The following GRID2 variants were observed in gnomAD, a reference collection of about 807,000 sequenced individuals.
GRID2 encodes the protein glutamate receptor ionotropic, delta-2.
A neutral mutation model predicts 114.8 loss-of-function variants in GRID2; 33 were observed. The ratio of observed to expected loss-of-function variants is 0.29; its 90% CI spans 0.22 to 0.38. The LOEUF (loss-of-function observed/expected upper bound fraction) is 0.38, where lower values mean the gene tolerates loss of function less well. Ranked by LOEUF, GRID2 falls within the 10% of genes least tolerant of loss-of-function variation. GRID2 has a pLI of 1.00. For synonymous variants in GRID2, 505 were observed against 449.9 expected (o/e 1.12, Z -1.55); for missense variants, 1,184 against 1,257.7 (o/e 0.94, Z 0.89).
chr4:93,346,747 G>A (rs915615592), intron 8 of GRID2, among the ~76,000 whole-genome samples: 7 of 152,204 alleles, frequency 4.6e-5, no homozygotes, highest in Admixed American at 3.9e-4. Flanking sequence ...TTTCCTAAGC[G>A]AATCTCATCT....
intron 8 of GRID2, among the ~76,000 whole-genome samples, chr4:93,291,342 A>G (rs1194989788): frequency 2.0e-5 from 3 of 152,130 alleles, no homozygotes; most frequent in Non-Finnish European, 4.4e-5. Context: ...TTTGCCATGT[A>G]ATAGGGGTTT....
chr4:93,682,485 T>C (rs994970493), intron 14 of GRID2, among the ~76,000 whole-genome samples: 1 of 152,060 alleles, frequency 6.6e-6, no homozygotes, highest in Non-Finnish European at 1.5e-5. Context: ...TGCACATGTA[T>C]GTTTATTGTG....
intron 14 of GRID2, among the ~76,000 whole-genome samples, chr4:93,693,223 G>T (rs1726718530): frequency 6.6e-6 from 1 of 152,096 alleles, no homozygotes; most frequent in African/African-American, 2.4e-5. Flanking sequence ...AGAAGCAAAG[G>T]GTAATACTCA....
intron 2 of GRID2, among the ~76,000 whole-genome samples, chr4:92,877,878 A>G (rs919874523): frequency 1.3e-5 from 2 of 152,142 alleles, no homozygotes; most frequent in African/African-American, 4.8e-5. Flanking sequence ...AAGCTTTTAA[A>G]TCCTCTGCTC....
intron 1 of GRID2, among the ~76,000 whole-genome samples, chr4:92,406,327 T>C (rs530313605): frequency 1.3e-5 from 2 of 152,324 alleles, no homozygotes; most frequent in East Asian, 3.9e-4. Flanking sequence ...ATTTTAGGCC[T>C]TTAGTTTTTG....
At chr4:93,007,115 A>T (rs1314004175) in intron 2 of GRID2, among the ~76,000 whole-genome samples, 2 of 152,096 alleles carry the variant, frequency 1.3e-5, no homozygotes, top group Non-Finnish European at 2.9e-5. Context: ...AGCATCAGCC[A>T]TTAGGTAGCT....
intron 1 of GRID2, among the ~76,000 whole-genome samples, chr4:92,527,737 C>T (rs1725115709): frequency 6.6e-6 from 1 of 151,988 alleles, no homozygotes; most frequent in Non-Finnish European, 1.5e-5. Flanking sequence ...AGTTAAAGTG[C>T]AATTCCTTTA....
At chr4:93,750,948 G>A (rs1207587863) in intron 14 of GRID2, among the ~76,000 whole-genome samples, 6 of 152,166 alleles carry the variant, frequency 3.9e-5, no homozygotes, top group African/African-American at 1.4e-4. Context: ...TTTGGGAAAT[G>A]TGGAGAAAGT....
At chr4:92,674,368 A>C (rs1733225621) in intron 2 of GRID2, among the ~76,000 whole-genome samples, 1 of 151,920 alleles carries the variant, frequency 6.6e-6, no homozygotes, top group Admixed American at 6.6e-5. Flanking sequence ...GTCTGTCTTC[A>C]AGTTCACTCA....
chr4:92,722,803 G>A (rs1211410031), intron 2 of GRID2, among the ~76,000 whole-genome samples: 1 of 152,068 alleles, frequency 6.6e-6, no homozygotes, highest in Admixed American at 6.6e-5. Context: ...AAAGTCCCTA[G>A]CTTCCAGATC....
rs1204742726 is a variant in GRID2, at chr4:93,404,027, G to T, written c.1347+8319G>T. 5.3e-4 allele frequency among the ~76,000 whole-genome samples: 80 copies of T among 152,204 alleles called. 1 individual carries two copies. Among genetic ancestry groups the T allele is most frequent in the Non-Finnish European group, 1.2e-4 (8 of 68,002 alleles). ...ATAAAATGTAGTATACCATAAAATG[G>T]AATATTATTTGGCAATAGAATGAAA... On this transcript the variant is annotated intron_variant, in intron 9 of 15. Transcript: ENST00000282020.
chr4:92,558,477 C>A (rs945953090), intron 1 of GRID2, among the ~76,000 whole-genome samples: 5 of 152,216 alleles, frequency 3.3e-5, no homozygotes, highest in Non-Finnish European at 7.4e-5. Flanking sequence ...ATGCAAGAAG[C>A]TTTTAATCTA....
chr4:92,884,372 G>A (rs985437934), intron 2 of GRID2, among the ~76,000 whole-genome samples: 1 of 152,138 alleles, frequency 6.6e-6, no homozygotes, highest in Non-Finnish European at 1.5e-5. Context: ...TCATCAACAA[G>A]AATGTTTGGT....
Position 93,239,402 on chromosome 4 carries a change from T to C in GRID2, c.1245+912T>C, listed in dbSNP as rs192527725. On this transcript the variant is annotated intron_variant, in intron 8 of 15. Coordinates refer to ENST00000282020, the MANE Select transcript of GRID2 (RefSeq NM_001510.4). ...GGTAGGGAAAAACCTAACATAATTG[T>C]GTACGCAGAGCTGGTAACTGTAAAT... 2.1e-3 allele frequency among the ~76,000 whole-genome samples: 215 copies of C among 100,598 alleles called. 4 individuals carry two copies. In the East Asian group the frequency reaches 0.055, roughly 26 times the overall value. The allele number at this position is 100,598 out of a possible 152,430, so 66.0% of individuals were successfully genotyped here.
chr4:92,903,920 T>G (rs892766435), intron 2 of GRID2, among the ~76,000 whole-genome samples: 1 of 151,932 alleles, frequency 6.6e-6, no homozygotes, highest in Non-Finnish European at 1.5e-5. Flanking sequence ...AGATCTATCA[T>G]AGAGGGAAGT....
At chr4:93,235,008 C>T (rs1365497470) in intron 7 of GRID2, among the ~76,000 whole-genome samples, 2 of 152,146 alleles carry the variant, frequency 1.3e-5, no homozygotes, top group East Asian at 3.9e-4. Flanking sequence ...AGGAAAAGAT[C>T]CTTCATCATA....
intron 14 of GRID2, among the ~76,000 whole-genome samples, chr4:93,757,032 T>C (rs561813350): frequency 1.3e-5 from 2 of 152,170 alleles, no homozygotes; most frequent in Non-Finnish European, 2.9e-5. Flanking sequence ...CTCAGGAACA[T>C]TTTTGCAGAG....
chr4:92,860,098 TC>T (rs1744431777), intron 2 of GRID2, among the ~76,000 whole-genome samples: 1 of 152,108 alleles, frequency 6.6e-6, no homozygotes, highest in African/African-American at 2.4e-5. Flanking sequence ...CAAAGAATTG[TC>T]TTTTTTTTTC....
chr4:92,855,353 C>A (rs535594667), intron 2 of GRID2, among the ~76,000 whole-genome samples: 1 of 151,972 alleles, frequency 6.6e-6, no homozygotes, highest in East Asian at 1.9e-4. Flanking sequence ...GCGAATAGTC[C>A]TGCACATCAG....
Sources: allele counts gnomAD v4.1 joint callset (sites outside exome capture counted in the v4.1 genomes callset), GRCh38; gene constraint gnomAD v4.1.1; transcripts MANE v1.5; gene names NCBI Gene and HGNC (gene_info 2026-07-23, HGNC 2026-07-21).